OCA2: variants seen among roughly 807,000 people sequenced by gnomAD.
The protein encoded by OCA2 is P protein.
OCA2 carries 77 observed loss-of-function variants against 100.2 expected under a neutral mutation model. That is an observed-to-expected ratio of 0.77 (90% CI 0.64 to 0.93). The LOEUF (loss-of-function observed/expected upper bound fraction) is 0.93, where lower values mean the gene tolerates loss of function less well. Among genes scored for constraint, OCA2 ranks in the 40% least tolerant of loss-of-function variants. The pLI is 0.00. For missense variants in OCA2, 1,062 were observed against 1,089.1 expected (o/e 0.98, Z 0.35); for synonymous variants, 432 against 439.2 (o/e 0.98, Z 0.21).
intron 19 of OCA2, among the ~76,000 whole-genome samples, chr15:27,913,443 T>C (rs2038476703): frequency 1.3e-5 from 2 of 152,120 alleles, no homozygotes; most frequent in South Asian, 4.1e-4. Context: ...TTATCCATCA[T>C]TCTCAAATTA....
chr15:27,856,569 G>T (rs151065534), intron 21 of OCA2, among the ~76,000 whole-genome samples: 4 of 152,170 alleles, frequency 2.6e-5, no homozygotes, highest in African/African-American at 9.6e-5. Context: ...TTGATTGCTG[G>T]CCACTGTTTT....
intron 13 of OCA2, among the ~76,000 whole-genome samples, chr15:27,984,405 C>T (rs1051355168): frequency 6.6e-6 from 1 of 152,152 alleles, no homozygotes; most frequent in Non-Finnish European, 1.5e-5. Flanking sequence ...TCCCCTACAC[C>T]TGCTCATCCA....
chr15:27,943,703 G>A (rs918506826), intron 18 of OCA2, among the ~76,000 whole-genome samples: 3 of 147,344 alleles, frequency 2.0e-5, no homozygotes, highest in Admixed American at 6.8e-5. Context: ...CTTGGTCTCT[G>A]CAACCCCATA....
chr15:27,916,648 T>G (rs1306650058), intron 19 of OCA2, among the ~76,000 whole-genome samples: 1 of 152,220 alleles, frequency 6.6e-6, no homozygotes, highest in East Asian at 1.9e-4. Context: ...ATCTTGAATT[T>G]CAGGGGACAA....
At chr15:27,959,497 G>A (rs1430690184) in intron 15 of OCA2, among the ~76,000 whole-genome samples, 1 of 152,182 alleles carries the variant, frequency 6.6e-6, no homozygotes, top group Non-Finnish European at 1.5e-5. Context: ...TCTAAATCTT[G>A]CTAAAAGCCC....
In OCA2 at chr15:27,755,414, C is replaced by G. The variant is rs183101063; in HGVS notation, c.2491G>C (p.Ala831Pro). 1 of 1,613,722 alleles carries G rather than the reference C, an allele frequency of 6.2e-7. No individual in the cohort carries two copies. Among genetic ancestry groups the G allele is most frequent in the East Asian group, 2.2e-5 (1 of 44,870 alleles). The part of the protein sequence containing the change: ...CTVGMCYLLV[A>P]HVVVGWN ...TAATTCCATCCCACCACCACATGAG[C>G]CACAAGGAGATAACACATCCCAACA... The change falls in exon 24 of 24, where the codon GCT becomes CCT. Residue 831 changes from alanine to proline, a missense_variant. Ala to Pro is a conservative substitution (Grantham distance 27). Coordinates refer to ENST00000354638, the MANE Select transcript of OCA2 (RefSeq NM_000275.3).
At chr15:27,965,152 T>C (rs1407561762) in intron 15 of OCA2, among the ~76,000 whole-genome samples, 2 of 152,142 alleles carry the variant, frequency 1.3e-5, no homozygotes, top group African/African-American at 4.8e-5. Context: ...AGGATGACGG[T>C]TGAGCTCTCC....
intron 2 of OCA2, among the ~76,000 whole-genome samples, chr15:28,066,949 T>C (rs1265778895): frequency 6.6e-6 from 1 of 152,218 alleles, no homozygotes; most frequent in Admixed American, 6.5e-5. Flanking sequence ...ACCTACAACC[T>C]GTAAACCCCC....
At chr15:27,719,698 C>T in the OCA2 span, among the ~76,000 whole-genome samples, 1 of 152,172 alleles carries the variant, frequency 6.6e-6, no homozygotes, top group Non-Finnish European at 1.5e-5. Context: ...GTCCATTTTG[C>T]ATTGCTATAA....
chr15:27,870,786 GA>G lies in OCA2; in HGVS notation c.2244+367del, dbSNP rs1219483592. On this transcript the variant is annotated intron_variant, in intron 21 of 23. Coordinates refer to ENST00000354638, the MANE Select transcript of OCA2 (RefSeq NM_000275.3). The stretch of plus-strand genomic sequence containing the variant: ...GACAGAAAGGAAAGAAAGAAAGAAA[GA>G]AAAAGAAAGAAAGAAAGAAAGAAAG... 5.8e-5 allele frequency among the ~76,000 whole-genome samples: 5 copies of G among 86,284 alleles called. No homozygotes were observed. The East Asian group carries it at 2.3e-3, about 40-fold the overall frequency. 56.6% of individuals were successfully genotyped at this position (86,284 alleles called of 152,430 possible).
At chr15:27,820,463 G>T (rs1029175075) in intron 23 of OCA2, among the ~76,000 whole-genome samples, 2 of 152,216 alleles carry the variant, frequency 1.3e-5, no homozygotes, top group African/African-American at 4.8e-5. Flanking sequence ...CAAATCGTGA[G>T]AAAAATGTCA....
At chr15:27,919,881 T>C (rs573075031) in intron 19 of OCA2, among the ~76,000 whole-genome samples, 1 of 152,290 alleles carries the variant, frequency 6.6e-6, no homozygotes, top group South Asian at 2.1e-4. Flanking sequence ...GTGTGGGGGT[T>C]GGAGTATATG....
chr15:27,820,226 C>T (rs917691549), intron 23 of OCA2, among the ~76,000 whole-genome samples: 7 of 152,228 alleles, frequency 4.6e-5, no homozygotes, highest in Admixed American at 6.5e-5. Context: ...ACTTCCTCCT[C>T]GAGCGGGGAG....
At chr15:27,843,757 CA>C (rs904591711) in intron 23 of OCA2, among the ~76,000 whole-genome samples, 15 of 152,144 alleles carry the variant, frequency 9.9e-5, no homozygotes, top group African/African-American at 3.6e-4. Context: ...ATAAGTCTGG[CA>C]AAATCCAACG....
At chr15:27,814,885 TAG>T (rs2151237230) in intron 23 of OCA2, among the ~76,000 whole-genome samples, 1 of 33,002 alleles carries the variant, frequency 3.0e-5, no homozygotes, top group Admixed American at 2.5e-4. Flanking sequence ...TCTCTCTCTA[TAG>T]ATAGATAGAT....
chr15:27,871,321 G>A, intron 20 of OCA2, 63 bp from the exon 21 acceptor site: 1 of 1,275,928 alleles, frequency 7.8e-7, no homozygotes, highest in East Asian at 2.3e-5. Context: ...AGACCCACCA[G>A]CCGCGAGACT....
At chr15:27,868,037 G>A (rs537787592) in intron 21 of OCA2, among the ~76,000 whole-genome samples, 37 of 152,194 alleles carry the variant, frequency 2.4e-4, no homozygotes, top group Non-Finnish European at 5.1e-4. Context: ...GCAGGATCCT[G>A]GCTCCTGTGT....
At chr15:28,013,372 T>C (rs2042295398) in intron 9 of OCA2, among the ~76,000 whole-genome samples, 1 of 152,210 alleles carries the variant, frequency 6.6e-6, no homozygotes, top group Non-Finnish European at 1.5e-5. Flanking sequence ...CTTGGCTGGC[T>C]TCTGGGTACT....
intron 2 of OCA2, among the ~76,000 whole-genome samples, chr15:28,032,581 C>A (rs1193787461): frequency 6.6e-6 from 1 of 150,796 alleles, no homozygotes; most frequent in Admixed American, 6.6e-5. Flanking sequence ...GTCAGGAGTT[C>A]AAGACCAGCC....
Sources: allele counts gnomAD v4.1 joint callset (sites outside exome capture counted in the v4.1 genomes callset), GRCh38; gene constraint gnomAD v4.1.1; transcripts MANE v1.5; gene names NCBI Gene and HGNC (gene_info 2026-07-23, HGNC 2026-07-21).